The following SETBP1 variants were observed in gnomAD, a reference collection of about 807,000 sequenced individuals.
SETBP1 encodes the protein SET-binding protein.
Under a neutral mutation model 101.0 loss-of-function variants are expected in SETBP1, and 9 were observed. The ratio of observed to expected loss-of-function variants is 0.09; its 90% CI spans 0.05 to 0.16. The LOEUF is 0.16. Ranked by LOEUF, SETBP1 falls within the 10% of genes least tolerant of loss-of-function variation. The probability of loss-of-function intolerance (pLI) is 1.00; values close to 1 mark genes in which losing one functional copy is unlikely to be tolerated. For missense variants in SETBP1, 1,858 were observed against 2,033.8 expected, an observed-to-expected ratio of 0.91 and a Z score of 1.66; for synonymous variants, 818 against 788.5, an observed-to-expected ratio of 1.04 and a Z score of -0.63.
Position 45,045,199 on chromosome 18 carries a change from G to A in SETBP1, c.4171+6544G>A, listed in dbSNP as rs551047630. ...CAGCACTTGGGAAGCCAAGGCAGGT[G>A]GATCACGAGGTCAGGAGTTCGAGAC... On this transcript the variant is annotated intron_variant, in intron 5 of 5. Coordinates refer to ENST00000649279, the MANE Select transcript of SETBP1 (RefSeq NM_015559.3). Among the ~76,000 whole-genome samples, 6 of 152,292 alleles carry A rather than the reference G, an allele frequency of 3.9e-5. No homozygotes were observed. In the South Asian group the frequency reaches 1.2e-3, roughly 32 times the overall value.
At chr18:44,972,073 C>T (rs1306682842) in intron 4 of SETBP1, among the ~76,000 whole-genome samples, 2 of 152,192 alleles carry the variant, frequency 1.3e-5, no homozygotes, top group Non-Finnish European at 2.9e-5. Context: ...GGAAGGGATC[C>T]AGTTTCAGCT....
chr18:44,701,777 C>G lies in SETBP1; in HGVS notation c.431C>G (p.Ala144Gly). The change falls in exon 2 of 6, where the codon GCT becomes GGT. Residue 144 changes from alanine to glycine, a missense_variant. Physicochemically the swap from Ala to Gly is moderately conservative, Grantham distance 60 (BLOSUM62 0). Coordinates refer to ENST00000649279, the MANE Select transcript of SETBP1 (RefSeq NM_015559.3). ...KQSGDQKVSR[A>G]GKNSKATKEE... The stretch of plus-strand genomic sequence containing the variant: ...TCTGGGGACCAGAAGGTGTCCCGTG[C>G]TGGAAAAAATAGCAAAGCCACGAAG... The G allele has an allele frequency of 1.9e-6, 3 of 1,613,712 alleles. No individual in the cohort carries two copies. The highest frequency in any genetic ancestry group is 2.5e-6 in the Non-Finnish European group (3 of 1,179,856).
chr18:44,812,215 C>G (rs2071878544), intron 2 of SETBP1, among the ~76,000 whole-genome samples: 1 of 152,120 alleles, frequency 6.6e-6, no homozygotes, highest in South Asian at 2.1e-4. Flanking sequence ...CACACCCCCA[C>G]TTGTCCCCCA....
chr18:44,950,061 T>G lies in SETBP1; in HGVS notation c.721T>G (p.Ser241Ala). ...TCAGAATTGCTTCATCAGTCCAGAGTCTGGCAGAGAAACTGCAAGCACCAG... is the reference window on the plus strand; with the variant it reads ...TCAGAATTGCTTCATCAGTCCAGAGGCTGGCAGAGAAACTGCAAGCACCAG... ...VTQNCFISPE[S>A]GRETASTSKI... Residue 241 changes from serine (S) to alanine (A), a missense_variant, in exon 4 of 6, where the codon TCT (serine) becomes GCT (alanine). Ser to Ala is a moderately conservative substitution (Grantham distance 99). Transcript: ENST00000649279. The G allele has an allele frequency of 1.2e-6, 2 of 1,614,098 alleles. No individual in the cohort carries two copies. The highest frequency in any genetic ancestry group is 1.7e-6 in the Non-Finnish European group (2 of 1,180,024).
intron 4 of SETBP1, among the ~76,000 whole-genome samples, chr18:45,019,795 T>C (rs1248988156): frequency 6.6e-6 from 1 of 152,238 alleles, no homozygotes; most frequent in African/African-American, 2.4e-5. Context: ...ACAAGAATTT[T>C]TTTTTATACC....
chr18:44,689,370 G>A (rs951044184), intron 1 of SETBP1, among the ~76,000 whole-genome samples: 2 of 152,218 alleles, frequency 1.3e-5, no homozygotes, highest in Non-Finnish European at 2.9e-5. Context: ...GTGGTCCGAG[G>A]TCTTCTGTCC....
intron 2 of SETBP1, among the ~76,000 whole-genome samples, chr18:44,834,859 A>G (rs897605742): frequency 6.6e-6 from 1 of 152,168 alleles, no homozygotes; most frequent in East Asian, 1.9e-4. Context: ...GAGTTAAATC[A>G]AAAGGAGGGA....
intron 2 of SETBP1, among the ~76,000 whole-genome samples, chr18:44,778,860 G>T (rs1281398510): frequency 1.3e-5 from 2 of 152,238 alleles, no homozygotes; most frequent in African/African-American, 4.8e-5. Context: ...GCCTGCCAAG[G>T]TCTATTTACT....
At chr18:44,867,333 C>T (rs1483962295) in intron 2 of SETBP1, among the ~76,000 whole-genome samples, 1 of 152,192 alleles carries the variant, frequency 6.6e-6, no homozygotes, top group Non-Finnish European at 1.5e-5. Flanking sequence ...TTTCCTTTTT[C>T]ACATCTTTGC....
At chr18:45,006,355 G>C (rs146748415) in intron 4 of SETBP1, among the ~76,000 whole-genome samples, 3 of 152,090 alleles carry the variant, frequency 2.0e-5, no homozygotes, top group African/African-American at 7.2e-5. Context: ...TTGTAGGTTC[G>C]TTCAGAGTCT....
chr18:45,031,920 C>T (rs1470406705), intron 4 of SETBP1, among the ~76,000 whole-genome samples: 3 of 152,182 alleles, frequency 2.0e-5, no homozygotes, highest in African/African-American at 7.2e-5. Flanking sequence ...CCTTTCCAGG[C>T]ATAGCTCAGT....
intron 2 of SETBP1, among the ~76,000 whole-genome samples, chr18:44,776,010 C>T (rs546845189): frequency 3.8e-4 from 58 of 152,260 alleles, no homozygotes; most frequent in Middle Eastern, 3.4e-3. Context: ...TGGACAGAGC[C>T]GTTTTAACGT....
intron 2 of SETBP1, among the ~76,000 whole-genome samples, chr18:44,761,354 T>G (rs7243770): frequency 6.6e-6 from 1 of 152,088 alleles, no homozygotes; most frequent in African/African-American, 2.4e-5. Context: ...TGTAATAGAA[T>G]ACCACAACTT....
chr18:44,887,661 C>A (rs530831295), intron 3 of SETBP1, among the ~76,000 whole-genome samples: 1 of 152,082 alleles, frequency 6.6e-6, no homozygotes, highest in East Asian at 1.9e-4. Flanking sequence ...GAATATCTTC[C>A]GAGTAAGAAT....
At chr18:44,846,651 A>G (rs2072730857) in intron 2 of SETBP1, among the ~76,000 whole-genome samples, 1 of 152,212 alleles carries the variant, frequency 6.6e-6, no homozygotes, top group African/African-American at 2.4e-5. Context: ...CACATGGATG[A>G]CCCATTGCTC....
At chr18:45,024,867 A>G (rs2073134236) in intron 4 of SETBP1, among the ~76,000 whole-genome samples, 2 of 152,246 alleles carry the variant, frequency 1.3e-5, no homozygotes, top group Admixed American at 1.3e-4. Context: ...CATTAGTTTC[A>G]GTAGGACTGA....
At chr18:45,058,896 C>A (rs1055672562) in intron 5 of SETBP1, among the ~76,000 whole-genome samples, 3 of 152,122 alleles carry the variant, frequency 2.0e-5, no homozygotes, top group Non-Finnish European at 2.9e-5. Context: ...AACAGGAGGG[C>A]AGCTACAAGC....
In SETBP1 at chr18:44,973,086, AG is replaced by A. The variant is rs376438355; in HGVS notation, c.4000+19749del. On this transcript the variant is annotated intron_variant, in intron 4 of 5. Transcript: ENST00000649279. ...AATTTATTGAGAGTTTTTAGCATAAAGGGTAGTTGAATTTTGTCAAAGGCCT... is the reference window on the plus strand; with the variant it reads ...AATTTATTGAGAGTTTTTAGCATAAAGGTAGTTGAATTTTGTCAAAGGCCT... Among the ~76,000 whole-genome samples the A allele has an allele frequency of 1.5e-3, 235 of 152,302 alleles. 1 individual carries two copies. Among genetic ancestry groups the A allele is most frequent in the African/African-American group, 5.3e-3 (220 of 41,574 alleles).
Position 44,928,188 on chromosome 18 carries a change from T to G in SETBP1, c.541-21693T>G, listed in dbSNP as rs535878422. Among the ~76,000 whole-genome samples, 10 of 152,352 alleles carry G rather than the reference T, an allele frequency of 6.6e-5. No homozygotes were observed. In the South Asian group the frequency reaches 2.1e-3, roughly 32 times the overall value. On this transcript the variant is annotated intron_variant, in intron 3 of 5. Coordinates refer to ENST00000649279, the MANE Select transcript of SETBP1 (RefSeq NM_015559.3). ...GGGGAGAACATGCGGTGTTTGGTTT[T>G]CTGTCCTTGTGATAGTTTGCTCAGA...
Sources: gnomAD v4.1 joint callset for allele counts (sites outside exome capture counted in the v4.1 genomes callset) on GRCh38, gnomAD v4.1.1 for gene constraint, MANE v1.5 for transcripts, NCBI Gene and HGNC (gene_info 2026-07-23, HGNC 2026-07-21) for gene names.